Variants in PAK2 observed in about 807,000 individuals in gnomAD.
PAK2 encodes p21 (RAC1) activated kinase 2, also known as serine/threonine-protein kinase PAK 2.
PAK2 carries 21 observed loss-of-function variants against 65.9 expected under a neutral mutation model. That is an observed-to-expected ratio of 0.32 (90% CI 0.23 to 0.46). The LOEUF (loss-of-function observed/expected upper bound fraction) is 0.46. Among genes scored for constraint, PAK2 ranks in the 20% least tolerant of loss-of-function variants. PAK2 has a pLI of 1.00. For missense variants in PAK2, 324 were observed against 642.6 expected, an observed-to-expected ratio of 0.50 and a Z score of 5.36; for synonymous variants, 204 against 219.7, an observed-to-expected ratio of 0.93 and a Z score of 0.63.
chr3:196,785,541 T>C (rs895547744), intron 2 of PAK2, among the ~76,000 whole-genome samples: 2 of 152,196 alleles, frequency 1.3e-5, no homozygotes, highest in Admixed American at 1.3e-4. Context: ...TTTCCCTGAT[T>C]ACTCAAAAAA....
intron 1 of PAK2, among the ~76,000 whole-genome samples, 165 bp from the exon 2 acceptor site, chr3:196,782,461 A>G (rs990926150): frequency 6.6e-6 from 1 of 152,240 alleles, no homozygotes; most frequent in East Asian, 1.9e-4. Context: ...GGTAAACTCA[A>G]GAGAGTTACA....
At chr3:196,804,409 C>T (rs1404628044) in intron 4 of PAK2, among the ~76,000 whole-genome samples, 2 of 151,986 alleles carry the variant, frequency 1.3e-5, no homozygotes, top group African/African-American at 4.8e-5. Context: ...AAAATGGTAG[C>T]TTATTTTCAC....
intron 1 of PAK2, among the ~76,000 whole-genome samples, chr3:196,775,247 A>G (rs1714497893): frequency 6.6e-6 from 1 of 152,234 alleles, no homozygotes; most frequent in African/African-American, 2.4e-5. Flanking sequence ...CAGCTCATTC[A>G]GCATGATAGT....
chr3:196,800,483 TTAA>T (rs1268205251), intron 2 of PAK2, among the ~76,000 whole-genome samples: 1 of 152,162 alleles, frequency 6.6e-6, no homozygotes, highest in Non-Finnish European at 1.5e-5. Context: ...TCTGTAGAAA[TTAA>T]TAAGCTTATT....
chr3:196,777,630 C>A (rs990677127), intron 1 of PAK2, among the ~76,000 whole-genome samples: 1 of 152,128 alleles, frequency 6.6e-6, no homozygotes, highest in Non-Finnish European at 1.5e-5. Context: ...GTTTTGAGAA[C>A]GGCTACTTTG....
chr3:196,784,162 A>G (rs746703734), intron 2 of PAK2, among the ~76,000 whole-genome samples: 1 of 151,342 alleles, frequency 6.6e-6, no homozygotes, highest in Admixed American at 6.6e-5. Context: ...TGAATCAGCA[A>G]TCAGCATCTT....
intron 7 of PAK2, among the ~76,000 whole-genome samples, chr3:196,808,898 G>T (rs930379945): frequency 4.6e-5 from 7 of 151,574 alleles, no homozygotes; most frequent in African/African-American, 1.7e-4. Context: ...ATTAAAGAAT[G>T]CTAATCTAGA....
chr3:196,786,324 G>A (rs1297335308), intron 2 of PAK2, among the ~76,000 whole-genome samples: 4 of 151,866 alleles, frequency 2.6e-5, no homozygotes, highest in African/African-American at 7.2e-5. Context: ...CACCGCGCCC[G>A]GCTAATTTTT....
Position 196,829,744 on chromosome 3 carries a change from A to T in PAK2, c.*1339A>T, listed in dbSNP as rs778875415. 7.2e-5 allele frequency: 11 copies of T among 152,252 alleles called. No individual in the cohort carries two copies. The highest frequency in any genetic ancestry group is 2.1e-4 in the South Asian group (1 of 4,826). 9.4% of individuals were successfully genotyped at this position (152,252 alleles called of 1,614,324 possible). On this transcript the variant is annotated 3_prime_UTR_variant, in exon 15 of 15. Coordinates refer to ENST00000327134, the MANE Select transcript of PAK2 (RefSeq NM_002577.4). ...TTGAGATGTTGAGTTACTTTAGTTT[A>T]GTTTTGTTTTGTTTTTTCAAATAAG...
rs1188145202 is a variant in PAK2 at position 196,791,241 on chromosome 3, CTG to C, written c.187+8410_187+8411del. ...CTTTAGTATCTTTTTGTTTTAGACACTGTTTCTAATATCCTTTCCTTTTCCCA... is the reference window on the plus strand; with the variant it reads ...CTTTAGTATCTTTTTGTTTTAGACACTTTCTAATATCCTTTCCTTTTCCCA... On this transcript the variant is annotated intron_variant, in intron 2 of 14. Transcript: ENST00000327134. This position sits in a 1 kb window ranked among gnomAD's most constrained non-coding sequence, Gnocchi z 4.0. Among the ~76,000 whole-genome samples, 1 of 152,194 alleles carries C rather than the reference CTG, an allele frequency of 6.6e-6. No individual in the cohort carries two copies. The highest frequency in any genetic ancestry group is 1.5e-5 in the Non-Finnish European group (1 of 68,034).
At position 196,812,771 on chromosome 3, in the gene PAK2, G is replaced by A. The variant is rs1216981145; in HGVS notation, c.855G>A (p.Gln285=). 5 of 1,552,534 alleles carry A rather than the reference G, an allele frequency of 3.2e-6. No individual in the cohort carries two copies. The Admixed American group carries it at 6.8e-5, about 21-fold the overall frequency. Residue 285 remains glutamine, a synonymous_variant, in exon 10 of 15, where the codon CAG becomes CAA. Transcript: ENST00000327134. ...TCAAACAAATTAATTTACAGAAACA[G>A]CCAAAGAAGGAACTGATCATTAACG... ...VAIKQINLQK[Q]PKKELIINEI...
intron 1 of PAK2, among the ~76,000 whole-genome samples, chr3:196,748,521 C>T (rs1156301053): frequency 6.6e-6 from 1 of 152,206 alleles, no homozygotes; most frequent in Admixed American, 6.5e-5. Flanking sequence ...ACCGCTGATC[C>T]TTTTACTACC....
At chr3:196,745,829 A>AG (rs1162865257) in intron 1 of PAK2, among the ~76,000 whole-genome samples, 3 of 151,574 alleles carry the variant, frequency 2.0e-5, no homozygotes, top group Non-Finnish European at 4.4e-5. Flanking sequence ...AAAAAAAAAA[A>AG]AAGAAGAAGT....
At chr3:196,817,820 G>A in intron 11 of PAK2, among the ~76,000 whole-genome samples, 1 of 152,152 alleles carries the variant, frequency 6.6e-6, no homozygotes, top group East Asian at 1.9e-4. Context: ...CAGAGGGTAG[G>A]AGCGGATCTA....
intron 2 of PAK2, among the ~76,000 whole-genome samples, chr3:196,794,113 AG>A (rs1427944880): frequency 1.3e-5 from 2 of 152,216 alleles, no homozygotes; most frequent in African/African-American, 4.8e-5. Flanking sequence ...CCTGGGCAAC[AG>A]TGCAAGACTC....
At chr3:196,784,329 A>T (rs1229665335) in intron 2 of PAK2, among the ~76,000 whole-genome samples, 1 of 99,724 alleles carries the variant, frequency 1.0e-5, no homozygotes, top group African/African-American at 4.0e-5. Context: ...GCACCCACTA[A>T]CTCGTCATCT....
chr3:196,744,534 T>A (rs976136110), intron 1 of PAK2, among the ~76,000 whole-genome samples: 2 of 152,216 alleles, frequency 1.3e-5, no homozygotes, highest in African/African-American at 4.8e-5. Context: ...CAAGACCCTG[T>A]CTTATAAAAT....
At chr3:196,806,372 A>G (rs1715584822) in intron 5 of PAK2, among the ~76,000 whole-genome samples, 1 of 152,190 alleles carries the variant, frequency 6.6e-6, no homozygotes, top group Non-Finnish European at 1.5e-5. Context: ...CCATATATAT[A>G]TATTTCATAA....
chr3:196,820,579 TA>T lies in PAK2; in HGVS notation c.1350+15del. The T allele has an allele frequency of 1.4e-6, 2 of 1,417,092 alleles. No individual in the cohort carries two copies. Among genetic ancestry groups the T allele is most frequent in the Non-Finnish European group, 2.0e-6 (2 of 1,025,532 alleles). 87.8% of individuals were successfully genotyped at this position (1,417,092 alleles called of 1,614,324 possible). Reference sequence around the variant, plus strand: ...AAAATCCCTTGAGGGTAAGATGAGTTAAACACCAGCCTTGTTCAATGTTTTT... The same window carrying T: ...AAAATCCCTTGAGGGTAAGATGAGTTAACACCAGCCTTGTTCAATGTTTTT... On this transcript the variant is annotated intron_variant, in intron 13 of 14. Coordinates refer to ENST00000327134, the MANE Select transcript of PAK2 (RefSeq NM_002577.4). This position sits in a 1 kb window ranked among gnomAD's most constrained non-coding sequence, Gnocchi z 4.6.
Sources: allele counts gnomAD v4.1 joint callset (sites outside exome capture counted in the v4.1 genomes callset), GRCh38; gene constraint gnomAD v4.1.1; non-coding constraint Gnocchi (gnomAD v3.1); transcripts MANE v1.5; gene names NCBI Gene and HGNC (gene_info 2026-07-23, HGNC 2026-07-21).